The following TAMM41 variants were observed in gnomAD, a reference collection of about 807,000 sequenced individuals.
TAMM41 encodes the protein phosphatidate cytidylyltransferase, mitochondrial.
TAMM41 carries 36 observed loss-of-function variants against 44.1 expected under a neutral mutation model. That is an observed-to-expected ratio of 0.82 (90% CI 0.63 to 1.08). TAMM41 has a LOEUF of 1.08. TAMM41 is among the 50% of genes least tolerant of loss of function. TAMM41 has a pLI of 0.00. For missense variants in TAMM41, 417 were observed against 404.3 expected, an observed-to-expected ratio of 1.03 and a Z score of -0.27; for synonymous variants, 164 against 153.1, an observed-to-expected ratio of 1.07 and a Z score of -0.53.
At chr3:11,801,086 T>C (rs1282256501) in intron 7 of TAMM41, among the ~76,000 whole-genome samples, 1 of 130,436 alleles carries the variant, frequency 7.7e-6, no homozygotes, top group Non-Finnish European at 1.6e-5. Context: ...AGCAAGACCC[T>C]GTCTCAAGAA....
chr3:11,827,179 A>G (rs1478592497), intron 4 of TAMM41, among the ~76,000 whole-genome samples: 3 of 152,242 alleles, frequency 2.0e-5, no homozygotes, highest in Non-Finnish European at 4.4e-5. Context: ...AGTCATTTTA[A>G]TAGTTGTACT....
chr3:11,765,578 T>C, the TAMM41 span, among the ~76,000 whole-genome samples: 365 of 152,316 alleles, frequency 2.4e-3, 2 homozygotes, highest in African/African-American at 8.5e-3. Flanking sequence ...TCTGTACATA[T>C]AACACACACA....
chr3:11,782,255 T>A, the TAMM41 span, among the ~76,000 whole-genome samples: 7 of 152,270 alleles, frequency 4.6e-5, no homozygotes, highest in Middle Eastern at 3.4e-3. Flanking sequence ...AATTTTTTTT[T>A]AAAAGTTGGG....
chr3:11,834,841 C>CATT (rs1559319625), intron 3 of TAMM41, among the ~76,000 whole-genome samples: 1 of 152,024 alleles, frequency 6.6e-6, no homozygotes, highest in Non-Finnish European at 1.5e-5. Context: ...TGCGCACCAC[C>CATT]TCGCCTGGCT....
chr3:11,750,769 G>A, the TAMM41 span, among the ~76,000 whole-genome samples: 1 of 152,154 alleles, frequency 6.6e-6, no homozygotes. Flanking sequence ...AACTCACCAG[G>A]TGCACAGGCT....
intron 5 of TAMM41, among the ~76,000 whole-genome samples, chr3:11,815,728 T>TA (rs57340534): frequency 0.12 from 17,759 of 151,654 alleles, 2,224 homozygotes; most frequent in East Asian, 0.48. Context: ...TGTAAGACGG[T>TA]AAAAAAAATC....
chr3:11,737,869 C>T, the TAMM41 span, among the ~76,000 whole-genome samples: 2 of 152,184 alleles, frequency 1.3e-5, no homozygotes, highest in African/African-American at 4.8e-5. Context: ...TCGCTGGGCT[C>T]CTGTGGTTTT....
chr3:11,819,945 T>C (rs1025101200), intron 4 of TAMM41, among the ~76,000 whole-genome samples: 1 of 152,172 alleles, frequency 6.6e-6, no homozygotes, highest in Non-Finnish European at 1.5e-5. Context: ...GATGAGGAGA[T>C]GGACGTGCAA....
At chr3:11,791,889 C>A (rs1027914543) in intron 7 of TAMM41, among the ~76,000 whole-genome samples, 18 of 152,156 alleles carry the variant, frequency 1.2e-4, no homozygotes, top group Middle Eastern at 3.2e-3. Context: ...TTAATTTTCT[C>A]CCTGGAGCAA....
the TAMM41 span, among the ~76,000 whole-genome samples, chr3:11,735,187 G>T: frequency 2.0e-5 from 3 of 151,662 alleles, no homozygotes; most frequent in Non-Finnish European, 4.4e-5. Context: ...GTGAGACCCT[G>T]TCTCTACAAA....
At chr3:11,800,322 CTT>C (rs2077716368) in intron 7 of TAMM41, among the ~76,000 whole-genome samples, 1 of 152,030 alleles carries the variant, frequency 6.6e-6, no homozygotes, top group Non-Finnish European at 1.5e-5. Context: ...TCAATATTAA[CTT>C]TAAATGTAAA....
chr3:11,844,092 C>T lies in TAMM41; in HGVS notation c.255G>A (p.Thr85=), dbSNP rs771017577. Residue 85 remains threonine, a synonymous_variant, in exon 2 of 8, where the codon ACG becomes ACA. Coordinates refer to ENST00000455809, the MANE Select transcript of TAMM41 (RefSeq NM_001284401.2). ...FLKVLGPKII[T]SIQNNYGAGV... ...CAGCGCCATAGTTATTCTGGATGGACGTGATAATCTTGGGCCCTAAAACTT... is the reference window on the plus strand; with the variant it reads ...CAGCGCCATAGTTATTCTGGATGGATGTGATAATCTTGGGCCCTAAAACTT... The T allele has an allele frequency of 2.8e-5, 46 of 1,614,062 alleles. No homozygotes were observed. The Admixed American group carries it at 6.5e-4, about 23-fold the overall frequency.
the TAMM41 span, among the ~76,000 whole-genome samples, chr3:11,723,057 AG>A: frequency 2.0e-5 from 3 of 152,128 alleles, no homozygotes; most frequent in Middle Eastern, 3.2e-3. Context: ...CGGGAGGCAG[AG>A]GTTGCAGTGA....
At chr3:11,844,274 T>C (rs1354501733) in intron 1 of TAMM41, 63 bp from the exon 2 acceptor site, 12 of 1,521,104 alleles carry the variant, frequency 7.9e-6, no homozygotes, top group African/African-American at 4.1e-5. Context: ...CAAGAGAGCA[T>C]GGAAAAGCTC....
At chr3:11,761,673 G>A in the TAMM41 span, among the ~76,000 whole-genome samples, 3 of 152,086 alleles carry the variant, frequency 2.0e-5, no homozygotes, top group East Asian at 1.9e-4. Flanking sequence ...CCTTCCGGGC[G>A]CGGTGGCTCA....
the TAMM41 span, among the ~76,000 whole-genome samples, chr3:11,780,667 C>G: frequency 3.9e-5 from 6 of 152,198 alleles, no homozygotes; most frequent in African/African-American, 1.4e-4. Flanking sequence ...GTGCCTGGCA[C>G]ACTGTAATGG....
At chr3:11,729,407 A>G in the TAMM41 span, among the ~76,000 whole-genome samples, 2 of 151,914 alleles carry the variant, frequency 1.3e-5, no homozygotes, top group Non-Finnish European at 2.9e-5. Context: ...GAGGAAGCTT[A>G]CCGAGAATGA....
intron 2 of TAMM41, among the ~76,000 whole-genome samples, chr3:11,841,246 C>T (rs2079427717): frequency 6.6e-6 from 1 of 151,956 alleles, no homozygotes; most frequent in African/African-American, 2.4e-5. Context: ...TCACACCTGA[C>T]TAATTTTTGT....
At chr3:11,802,094 T>C (rs935457430) in intron 7 of TAMM41, among the ~76,000 whole-genome samples, 1 of 152,088 alleles carries the variant, frequency 6.6e-6, no homozygotes, top group Non-Finnish European at 1.5e-5. Flanking sequence ...TAGTGTGCAC[T>C]GTAGTCCCAC....
Sources: allele counts gnomAD v4.1 joint callset (sites outside exome capture counted in the v4.1 genomes callset), GRCh38; gene constraint gnomAD v4.1.1; transcripts MANE v1.5; gene names NCBI Gene and HGNC (gene_info 2026-07-23, HGNC 2026-07-21).